RC3H1: variants seen among roughly 807,000 people sequenced by gnomAD.
The protein encoded by RC3H1 is ring finger and CCCH-type domains 1.
Under a neutral mutation model 138.2 loss-of-function variants are expected in RC3H1, and 50 were observed. The ratio of observed to expected loss-of-function variants is 0.36; its 90% confidence interval spans 0.29 to 0.46. The LOEUF (loss-of-function observed/expected upper bound fraction) is 0.46, where lower values mean the gene tolerates loss of function less well. Among genes scored for constraint, RC3H1 ranks in the 20% least tolerant of loss-of-function variants. RC3H1 has a pLI of 1.00. For synonymous variants in RC3H1, 462 were observed against 489.1 expected, an observed-to-expected ratio of 0.94 and a Z score of 0.73; for missense variants, 1,031 against 1,388.1, an observed-to-expected ratio of 0.74 and a Z score of 4.09.
At chr1:173,973,840 G>C (rs1187880653) in intron 7 of RC3H1, among the ~76,000 whole-genome samples, 1 of 152,172 alleles carries the variant, frequency 6.6e-6, no homozygotes, top group African/African-American at 2.4e-5. Context: ...CAAAAAAGTA[G>C]TTTTTGGAAC....
At chr1:173,989,788 G>A (rs1384743810) in intron 2 of RC3H1, among the ~76,000 whole-genome samples, 3 of 141,502 alleles carry the variant, frequency 2.1e-5, no homozygotes, top group Admixed American at 1.4e-4. Context: ...CTGCAGTGGC[G>A]CAATCTCGGC....
chr1:173,967,378 T>C (rs1333037029), intron 9 of RC3H1, among the ~76,000 whole-genome samples: 1 of 152,084 alleles, frequency 6.6e-6, no homozygotes, highest in East Asian at 1.9e-4. Context: ...AATAACCAAA[T>C]AAGCAAAGGC....
intron 18 of RC3H1, among the ~76,000 whole-genome samples, chr1:173,942,085 A>T (rs1037019650): frequency 1.3e-4 from 19 of 151,606 alleles, no homozygotes; most frequent in Middle Eastern, 6.8e-3. Context: ...CTAAAAATAT[A>T]AAAAAAATTG....
At chr1:173,977,508 A>C (rs143699942) in intron 7 of RC3H1, among the ~76,000 whole-genome samples, 2 of 152,220 alleles carry the variant, frequency 1.3e-5, no homozygotes, top group African/African-American at 2.4e-5. Context: ...CATTAAAGGA[A>C]GAGCAAGTAT....
In RC3H1 at chr1:173,946,613, G is replaced by C; in HGVS notation, c.2829-5C>G. The C allele has an allele frequency of 6.2e-7, 1 of 1,613,010 alleles. No homozygotes were observed. The highest frequency in any genetic ancestry group is 1.1e-5 in the South Asian group (1 of 90,884). ...TCTGACATAGATATTCTCTCCCTTT[G>C]GTTAGAAAGAAAGTGTGAATCAAAT... On this transcript the variant is annotated splice_polypyrimidine_tract_variant and splice_region_variant and intron_variant, in intron 16 of 19. Transcript: ENST00000367696.
At chr1:173,994,625 CCT>C (rs1377549632) in intron 1 of RC3H1, among the ~76,000 whole-genome samples, 2 of 150,644 alleles carry the variant, frequency 1.3e-5, no homozygotes, top group Non-Finnish European at 3.0e-5. Flanking sequence ...ATAGGGAGAC[CCT>C]GTCTCTACAA....
intron 14 of RC3H1, 84 bp downstream of exon 14, chr1:173,951,902 T>C: frequency 7.6e-7 from 1 of 1,315,058 alleles, no homozygotes; most frequent in Non-Finnish European, 1.0e-6. Context: ...CAAAGCTGAA[T>C]TATTTGTGCC....
At chr1:173,950,064 G>A (rs1659321645) in intron 14 of RC3H1, among the ~76,000 whole-genome samples, 3 of 152,044 alleles carry the variant, frequency 2.0e-5, no homozygotes, top group Non-Finnish European at 2.9e-5. Flanking sequence ...AGCTCCTCGG[G>A]AGGCTGAGGC....
At chr1:174,004,781 GAGAAA>G (rs944945975) in intron 1 of RC3H1, among the ~76,000 whole-genome samples, 3 of 152,104 alleles carry the variant, frequency 2.0e-5, no homozygotes, top group African/African-American at 4.8e-5. Flanking sequence ...TCACAAAAGA[GAGAAA>G]AGAAAAAAGT....
At chr1:173,997,231 A>C (rs1661476808) in intron 1 of RC3H1, among the ~76,000 whole-genome samples, 1 of 152,162 alleles carries the variant, frequency 6.6e-6, no homozygotes, top group South Asian at 2.1e-4. Flanking sequence ...CTAAAACAAA[A>C]CAAGACAAAA....
intron 1 of RC3H1, among the ~76,000 whole-genome samples, chr1:173,997,418 TA>T (rs1661482661): frequency 6.6e-6 from 1 of 152,208 alleles, no homozygotes; most frequent in Non-Finnish European, 1.5e-5. Flanking sequence ...CTAATATTAT[TA>T]ATCTTCTTTT....
intron 2 of RC3H1, among the ~76,000 whole-genome samples, chr1:173,988,375 T>C (rs6685043): frequency 0.073 from 11,103 of 152,300 alleles, 603 homozygotes; most frequent in East Asian, 0.32. Flanking sequence ...ATGGTATACA[T>C]TGAGATATAT....
intron 1 of RC3H1, among the ~76,000 whole-genome samples, chr1:174,009,551 A>C (rs1362396293): frequency 6.6e-6 from 1 of 152,150 alleles, no homozygotes; most frequent in African/African-American, 2.4e-5. Context: ...TAGCTCCTTA[A>C]AAGTGGGCCA....
intron 14 of RC3H1, among the ~76,000 whole-genome samples, chr1:173,949,133 G>T (rs1451259645): frequency 1.3e-4 from 14 of 104,664 alleles, no homozygotes; most frequent in African/African-American, 4.5e-4. Context: ...TTTTTTTGGG[G>T]GGGGGGGTGG....
chr1:174,015,747 T>G (rs1661850967), intron 1 of RC3H1: 1 of 152,004 alleles, frequency 6.6e-6, no homozygotes, highest in African/African-American at 2.4e-5. Flanking sequence ...ACTCTTGGCC[T>G]CAAGTGATCC....
intron 1 of RC3H1, among the ~76,000 whole-genome samples, chr1:174,007,320 G>A (rs1414944806): frequency 2.6e-5 from 4 of 151,886 alleles, no homozygotes; most frequent in Non-Finnish European, 5.9e-5. Context: ...AACCCGGGAG[G>A]CGGAGCTTGC....
chr1:173,933,879 G>A lies in RC3H1; in HGVS notation c.*4842C>T, dbSNP rs939333089. The A allele has an allele frequency of 6.6e-6, 1 of 152,040 alleles. No homozygotes were observed. Among genetic ancestry groups the A allele is most frequent in the African/African-American group, 2.4e-5 (1 of 41,416 alleles). The allele number at this position is 152,040 out of a possible 1,614,324, so 9.4% of individuals were successfully genotyped here. A position where few individuals can be genotyped will look rare whatever the true frequency, so the allele number is the denominator to read the frequency against. ...AAAAGGATAGGCAGATTTTTCAGGG[G>A]AAGAGATCACCTTGCAACACTGTAA... On this transcript the variant is annotated 3_prime_UTR_variant, in exon 20 of 20. Coordinates refer to ENST00000367696, the MANE Select transcript of RC3H1 (RefSeq NM_172071.4).
intron 18 of RC3H1, among the ~76,000 whole-genome samples, chr1:173,942,591 G>A (rs943550256): frequency 6.6e-6 from 1 of 152,026 alleles, no homozygotes; most frequent in Non-Finnish European, 1.5e-5. Context: ...CCAGCACTTT[G>A]GGAGGCTGAG....
At chr1:174,013,319 C>T (rs1434178905) in intron 1 of RC3H1, among the ~76,000 whole-genome samples, 1 of 151,956 alleles carries the variant, frequency 6.6e-6, no homozygotes, top group African/African-American at 2.4e-5. Context: ...TATATCAGTG[C>T]TTTCCAATAT....
Sources: gnomAD v4.1 joint callset for allele counts (sites outside exome capture counted in the v4.1 genomes callset) on GRCh38, gnomAD v4.1.1 for gene constraint, MANE v1.5 for transcripts, NCBI Gene and HGNC (gene_info 2026-07-23, HGNC 2026-07-21) for gene names.